IL16: variants seen among roughly 807,000 people sequenced by gnomAD.
IL16 encodes the protein interleukin 16.
In IL16, 67 loss-of-function variants were observed where a neutral mutation model predicts 110.1. The observed-to-expected ratio is 0.61, with a 90% CI of 0.50 to 0.75. The LOEUF is 0.75. Ranked by LOEUF, IL16 falls within the 30% of genes least tolerant of loss-of-function variation. The pLI, the probability that IL16 is intolerant of heterozygous loss-of-function variation, is 0.00. For synonymous variants in IL16, 689 were observed against 662.9 expected (o/e 1.04, Z -0.61); for missense variants, 1,545 against 1,655.0 (o/e 0.93, Z 1.15).
chr15:81,307,933 A>G (rs1900654950), intron 18 of IL16, among the ~76,000 whole-genome samples: 1 of 152,196 alleles, frequency 6.6e-6, no homozygotes, highest in Admixed American at 6.5e-5. Context: ...TGCCCAATAC[A>G]CTTTAGCTAT....
chr15:81,240,831 C>A (rs984795015), intron 2 of IL16, among the ~76,000 whole-genome samples: 1 of 151,956 alleles, frequency 6.6e-6, no homozygotes, highest in African/African-American at 2.4e-5. Context: ...TTCCTTTATA[C>A]TTTATGCTTT....
chr15:81,235,125 G>A (rs1897138298), intron 2 of IL16, among the ~76,000 whole-genome samples: 2 of 152,196 alleles, frequency 1.3e-5, no homozygotes, highest in South Asian at 4.2e-4. Context: ...GCCTTGAACT[G>A]TGCATACCAG....
chr15:81,301,593 G>A (rs1900290037), intron 15 of IL16, 81 bp downstream of exon 15: 1 of 1,225,946 alleles, frequency 8.2e-7, no homozygotes, highest in Non-Finnish European at 1.2e-6. Context: ...CAGAGGGGAA[G>A]TAGCTTGAGT....
chr15:81,183,890 G>A (rs975174214), intron 1 of IL16, among the ~76,000 whole-genome samples: 10 of 152,186 alleles, frequency 6.6e-5, no homozygotes, highest in Non-Finnish European at 4.4e-5. Flanking sequence ...TTACCTCAGA[G>A]GACGGCAGAA....
chr15:81,205,436 G>C (rs929104855), intron 1 of IL16, among the ~76,000 whole-genome samples: 2 of 152,090 alleles, frequency 1.3e-5, no homozygotes, highest in African/African-American at 4.8e-5. Context: ...TGCCATTCTT[G>C]CAATCAATGA....
intron 2 of IL16, among the ~76,000 whole-genome samples, chr15:81,232,096 T>C (rs1313985836): frequency 1.7e-4 from 19 of 111,384 alleles, no homozygotes; most frequent in Non-Finnish European, 6.1e-5. Context: ...TTCTTAAAAC[T>C]AGACTTGGTT....
intron 3 of IL16, among the ~76,000 whole-genome samples, chr15:81,261,951 G>A (rs1029651527): frequency 6.6e-6 from 1 of 151,974 alleles, no homozygotes; most frequent in Non-Finnish European, 1.5e-5. Flanking sequence ...ATGATGGCTC[G>A]TACCTGAGGT....
rs146273436 is a variant in IL16 at position 81,285,749 on chromosome 15, G to A, written c.1251G>A (p.Thr417=). Reference sequence around the variant, plus strand: ...GTGATTCCCCTGTGCACTGCCTGACGCTCAATGAAGTCTACACGATCCTGA... The same window carrying A: ...GTGATTCCCCTGTGCACTGCCTGACACTCAATGAAGTCTACACGATCCTGA... The part of the protein sequence containing the change: ...EISDSPVHCL[T]LNEVYTILSH... The change falls in exon 10 of 19, where the codon ACG becomes ACA. Residue 417 remains threonine (T), a synonymous_variant. Transcript: ENST00000683961. 770 of 1,614,034 alleles carry A rather than the reference G, an allele frequency of 4.8e-4. 3 individuals carry two copies. The Admixed American group carries it at 7.8e-3, about 16-fold the overall frequency.
intron 1 of IL16, among the ~76,000 whole-genome samples, chr15:81,202,421 C>A (rs1319963911): frequency 6.6e-6 from 1 of 152,166 alleles, no homozygotes. Flanking sequence ...AATTTAGCAT[C>A]ATCAAGGACT....
intron 1 of IL16, among the ~76,000 whole-genome samples, chr15:81,203,380 A>T (rs1192848151): frequency 6.6e-6 from 1 of 152,096 alleles, no homozygotes; most frequent in Non-Finnish European, 1.5e-5. Flanking sequence ...GGTGTTTTAG[A>T]CATGAAGTCC....
chr15:81,205,911 A>G (rs950676973), intron 1 of IL16, among the ~76,000 whole-genome samples: 2 of 151,550 alleles, frequency 1.3e-5, no homozygotes, highest in Non-Finnish European at 1.5e-5. Flanking sequence ...TATTAAATAG[A>G]TCAAGAATTA....
Position 81,244,012 on chromosome 15 carries a change from C to T in IL16, c.313-15760C>T, listed in dbSNP as rs538134039. Among the ~76,000 whole-genome samples the T allele has an allele frequency of 3.9e-5, 6 of 152,172 alleles. No homozygotes were observed. The East Asian group carries it at 1.2e-3, about 29-fold the overall frequency. On this transcript the variant is annotated intron_variant, in intron 2 of 18. Coordinates refer to ENST00000683961, the MANE Select transcript of IL16 (RefSeq NM_172217.5). ...TGTCTCTATAAAAAATCTTGTATAG[C>T]TTTTTTAGTTGTTGTTGTGGGCTTT...
At chr15:81,256,350 T>TTTC (rs1236874885) in intron 2 of IL16, among the ~76,000 whole-genome samples, 1 of 151,244 alleles carries the variant, frequency 6.6e-6, no homozygotes, top group African/African-American at 2.4e-5. Flanking sequence ...TTTTTTTTTT[T>TTTC]TGAGACAGAG....
intron 1 of IL16, among the ~76,000 whole-genome samples, chr15:81,190,822 C>G (rs1049345323): frequency 6.6e-6 from 1 of 152,094 alleles, no homozygotes; most frequent in African/African-American, 2.4e-5. Flanking sequence ...CACCCCAGAC[C>G]CAGGGTTTAT....
chr15:81,193,608 AG>A (rs1443739497), upstream of IL16, among the ~76,000 whole-genome samples: 1 of 152,196 alleles, frequency 6.6e-6, no homozygotes, highest in African/African-American at 2.4e-5. Flanking sequence ...CATGGAAGTC[AG>A]CTAGAATTTT....
chr15:81,206,640 C>A (rs1316351624), intron 1 of IL16, among the ~76,000 whole-genome samples: 1 of 152,070 alleles, frequency 6.6e-6, no homozygotes, highest in African/African-American at 2.4e-5. Flanking sequence ...TGCAATTAAA[C>A]TGGAATTTTC....
rs1400028999 is a variant in IL16, at chr15:81,206,104, A to T, written c.-102+8952A>T. Among the ~76,000 whole-genome samples, 3 of 152,258 alleles carry T rather than the reference A, an allele frequency of 2.0e-5. No homozygotes were observed. In the South Asian group the frequency reaches 6.2e-4, roughly 31 times the overall value. On this transcript the variant is annotated intron_variant, in intron 1 of 18. Coordinates refer to ENST00000683961, the MANE Select transcript of IL16 (RefSeq NM_172217.5). The stretch of plus-strand genomic sequence containing the variant: ...CAGATTAATTAGACAAAATGTACAT[A>T]AAGAGCTTGAATTCTATGACTTACA...
rs774029249 is a variant in IL16, at chr15:81,292,786, G to T, written c.1651G>T (p.Glu551Ter). Reference protein sequence around the residue: ...THSPSLPLAREPVVLSIASSR... With the variant: ...THSPSLPLAR ...CAGCCCCAGCTTGCCTCTGGCACGG[G>T]AGCCAGTGGTGCTTTCTATAGCATC... Residue 551 changes from glutamate to a stop codon, truncating the protein, a stop_gained, in exon 12 of 19, where the codon GAG (glutamate) becomes TAG (stop). Transcript: ENST00000683961. LOFTEE classifies it high-confidence loss of function. 6.2e-7 allele frequency: 1 copy of T among 1,614,154 alleles called. No individual in the cohort carries two copies. The highest frequency in any genetic ancestry group is 8.5e-7 in the Non-Finnish European group (1 of 1,180,014).
chr15:81,193,645 G>C (rs1377643951), upstream of IL16, among the ~76,000 whole-genome samples: 7 of 152,192 alleles, frequency 4.6e-5, no homozygotes, highest in African/African-American at 7.2e-5. Flanking sequence ...CCCTTGGTTT[G>C]AATCTATATG....
Sources: allele counts gnomAD v4.1 joint callset (sites outside exome capture counted in the v4.1 genomes callset), GRCh38; gene constraint gnomAD v4.1.1; transcripts MANE v1.5; gene names NCBI Gene and HGNC (gene_info 2026-07-23, HGNC 2026-07-21).